NTM: variants seen among roughly 807,000 people sequenced by gnomAD.
NTM encodes the protein IgLON family member 2.
NTM carries 13 observed loss-of-function variants against 42.1 expected under a neutral mutation model. That is an observed-to-expected ratio of 0.31 (90% CI 0.20 to 0.49). The LOEUF is 0.49. Ranked by LOEUF, NTM falls within the 20% of genes least tolerant of loss-of-function variation. The pLI, the probability that NTM is intolerant of heterozygous loss-of-function variation, is 0.99. For missense variants in NTM, 373 were observed against 452.8 expected (o/e 0.82, Z 1.60); for synonymous variants, 187 against 179.2 (o/e 1.04, Z -0.35).
chr11:131,871,781 G>A (rs1262362022), intron 1 of NTM, among the ~76,000 whole-genome samples: 1 of 152,146 alleles, frequency 6.6e-6, no homozygotes, highest in Non-Finnish European at 1.5e-5. Flanking sequence ...CCCTGGGGAA[G>A]TCTTTCTTCC....
intron 1 of NTM, among the ~76,000 whole-genome samples, chr11:131,517,017 T>C (rs921287221): frequency 6.6e-6 from 1 of 152,170 alleles, no homozygotes; most frequent in Non-Finnish European, 1.5e-5. Context: ...GGGTCACCAA[T>C]GGGAGTGGCT....
chr11:131,718,317 T>TA (rs1405649580), intron 1 of NTM, among the ~76,000 whole-genome samples: 1 of 152,214 alleles, frequency 6.6e-6, no homozygotes, highest in Non-Finnish European at 1.5e-5. Flanking sequence ...TGGTAGCATT[T>TA]ACCAGTGAAG....
At chr11:131,829,621 A>G (rs1335953707) in intron 1 of NTM, among the ~76,000 whole-genome samples, 1 of 152,102 alleles carries the variant, frequency 6.6e-6, no homozygotes, top group African/African-American at 2.4e-5. Flanking sequence ...TGTCTTTGCT[A>G]TTGTGAATAG....
At chr11:131,904,063 A>G (rs1455094996) in intron 1 of NTM, among the ~76,000 whole-genome samples, 1 of 152,222 alleles carries the variant, frequency 6.6e-6, no homozygotes, top group Non-Finnish European at 1.5e-5. Flanking sequence ...TTTACAAAAT[A>G]TATTTGCACA....
rs1022760194 is a variant in NTM, at chr11:131,652,530, T to G, written c.83-259034T>G. ...TGACATGCTCAACTCACTCTCACAG[T>G]TGATGTTTTTGGAAGTTTGCTGCTC... On this transcript the variant is annotated intron_variant, in intron 1 of 8. Coordinates refer to ENST00000683400, the MANE Select transcript of NTM (RefSeq NM_001352005.2). 5.3e-5 allele frequency among the ~76,000 whole-genome samples: 8 copies of G among 152,108 alleles called. No individual in the cohort carries two copies. The East Asian group carries it at 1.5e-3, about 29-fold the overall frequency.
chr11:131,793,337 C>T (rs2091183632), intron 1 of NTM, among the ~76,000 whole-genome samples: 1 of 152,102 alleles, frequency 6.6e-6, no homozygotes, highest in African/African-American at 2.4e-5. Context: ...CCATCTCTGT[C>T]TTTTTGTACC....
chr11:132,111,212 A>G (rs1174251060), intron 2 of NTM, among the ~76,000 whole-genome samples: 1 of 150,834 alleles, frequency 6.6e-6, no homozygotes, highest in African/African-American at 2.4e-5. Flanking sequence ...AAGTCCCCAG[A>G]AATTTATGTG....
At chr11:131,978,806 A>C (rs2064804258) in intron 2 of NTM, among the ~76,000 whole-genome samples, 2 of 152,348 alleles carry the variant, frequency 1.3e-5, no homozygotes, top group South Asian at 4.1e-4. Context: ...TGTGAGAGTA[A>C]AACTTCAGAT....
chr11:132,114,954 T>A (rs1464023991), intron 2 of NTM, among the ~76,000 whole-genome samples: 1 of 152,210 alleles, frequency 6.6e-6, no homozygotes, highest in Non-Finnish European at 1.5e-5. Context: ...TTTCTTTGGA[T>A]ATATACCCAC....
chr11:131,777,141 A>C, intron 1 of NTM: 1 of 787,756 alleles, frequency 1.3e-6, no homozygotes, highest in South Asian at 5.8e-5. Context: ...TATATATTGC[A>C]TATAACATCT....
chr11:131,834,483 C>T (rs747877807), intron 1 of NTM, among the ~76,000 whole-genome samples: 5 of 151,808 alleles, frequency 3.3e-5, no homozygotes, highest in East Asian at 1.9e-4. Context: ...TAGGATCTGA[C>T]GACGTGGAGC....
intron 1 of NTM, among the ~76,000 whole-genome samples, chr11:131,902,386 C>T (rs1452640283): frequency 2.0e-5 from 3 of 152,164 alleles, no homozygotes; most frequent in Admixed American, 6.5e-5. Context: ...TGCTTTGTCC[C>T]CTCCCTACTA....
At chr11:132,048,383 G>A (rs1012085357) in intron 2 of NTM, among the ~76,000 whole-genome samples, 5 of 152,196 alleles carry the variant, frequency 3.3e-5, no homozygotes, top group Non-Finnish European at 7.3e-5. Context: ...TCTGGTCCCT[G>A]TGTGGGGAAT....
chr11:131,823,335 C>G (rs1057255142), intron 1 of NTM, among the ~76,000 whole-genome samples: 3 of 152,168 alleles, frequency 2.0e-5, no homozygotes, highest in Admixed American at 6.5e-5. Context: ...CTAAATCTCT[C>G]GGTTTTGTTC....
intron 1 of NTM, among the ~76,000 whole-genome samples, chr11:131,894,906 C>A (rs1412353112): frequency 1.3e-5 from 2 of 152,206 alleles, no homozygotes. Context: ...AGGCCACTTC[C>A]ATTTCCAACG....
chr11:131,970,449 C>G (rs2063382753), intron 2 of NTM, among the ~76,000 whole-genome samples: 1 of 152,220 alleles, frequency 6.6e-6, no homozygotes, highest in South Asian at 2.1e-4. Flanking sequence ...TAATCCTCTT[C>G]TGGAAACTTT....
At chr11:132,000,651 G>A (rs779560127) in intron 2 of NTM, among the ~76,000 whole-genome samples, 4 of 152,102 alleles carry the variant, frequency 2.6e-5, no homozygotes, top group Non-Finnish European at 4.4e-5. Context: ...TGCTTTGATC[G>A]TTCCTCTATA....
chr11:131,812,558 A>T (rs1401239144), intron 1 of NTM, among the ~76,000 whole-genome samples: 1 of 152,144 alleles, frequency 6.6e-6, no homozygotes, highest in Non-Finnish European at 1.5e-5. Context: ...ACTGGGGCAC[A>T]ACACACCAAA....
intron 1 of NTM, among the ~76,000 whole-genome samples, chr11:131,449,259 G>A (rs1591698145): frequency 6.6e-6 from 1 of 152,242 alleles, no homozygotes. Context: ...ACTGCTGGCT[G>A]TAGGCGGGCA....
Sources: allele counts gnomAD v4.1 joint callset (sites outside exome capture counted in the v4.1 genomes callset), GRCh38; gene constraint gnomAD v4.1.1; transcripts MANE v1.5; gene names NCBI Gene and HGNC (gene_info 2026-07-23, HGNC 2026-07-21).